Variants in EYA1 observed in about 807,000 individuals in gnomAD.
EYA1 encodes the protein EYA transcriptional coactivator and phosphatase 1.
A neutral mutation model predicts 82.0 loss-of-function variants in EYA1; 16 were observed. The ratio of observed to expected loss-of-function variants is 0.20; its 90% CI spans 0.13 to 0.30. EYA1 has a LOEUF of 0.30. Ranked by LOEUF, EYA1 falls within the 10% of genes least tolerant of loss-of-function variation. The pLI, the probability that EYA1 is intolerant of heterozygous loss-of-function variation, is 1.00. For synonymous variants in EYA1, 261 were observed against 264.4 expected, an observed-to-expected ratio of 0.99 and a Z score of 0.12; for missense variants, 633 against 730.7, an observed-to-expected ratio of 0.87 and a Z score of 1.54.
chr8:71,507,006 G>A (rs530639125), intron 2 of EYA1, among the ~76,000 whole-genome samples: 18 of 151,986 alleles, frequency 1.2e-4, no homozygotes, highest in African/African-American at 3.1e-4. Flanking sequence ...GGAAATAACC[G>A]AAATTCAACA....
intron 11 of EYA1, among the ~76,000 whole-genome samples, chr8:71,262,363 C>G (rs1815233176): frequency 6.6e-6 from 1 of 152,172 alleles, no homozygotes; most frequent in South Asian, 2.1e-4. Flanking sequence ...TTCTCTGTTT[C>G]CCACTCCCTC....
At chr8:71,456,961 A>G (rs530194998) in intron 2 of EYA1, among the ~76,000 whole-genome samples, 3 of 152,132 alleles carry the variant, frequency 2.0e-5, no homozygotes, top group South Asian at 2.1e-4. Context: ...ACTACCATCA[A>G]AGTGAACAGG....
chr8:71,229,246 T>C (rs1395106911), intron 12 of EYA1, among the ~76,000 whole-genome samples: 3 of 151,928 alleles, frequency 2.0e-5, no homozygotes, highest in Admixed American at 6.6e-5. Flanking sequence ...CTCCATTAAG[T>C]TTTTATTGGT....
intron 1 of EYA1, among the ~76,000 whole-genome samples, chr8:71,539,455 T>C (rs1274746177): frequency 1.3e-5 from 2 of 152,138 alleles, no homozygotes; most frequent in Non-Finnish European, 2.9e-5. Flanking sequence ...AGCCAGATGC[T>C]TGCATGGGCA....
chr8:71,354,589 G>A (rs774520618), intron 3 of EYA1, among the ~76,000 whole-genome samples, 193 bp downstream of exon 3: 5 of 152,198 alleles, frequency 3.3e-5, no homozygotes, highest in Middle Eastern at 3.4e-3. Context: ...ACCAATCTAC[G>A]CAATGTTACA....
intron 12 of EYA1, among the ~76,000 whole-genome samples, chr8:71,225,601 C>G (rs1026663048): frequency 6.6e-6 from 1 of 152,170 alleles, no homozygotes; most frequent in Non-Finnish European, 1.5e-5. Flanking sequence ...CCACTCTAAA[C>G]TATCTACTCA....
At chr8:71,448,025 T>TTTTTTTTTTTTTTTTAGGTAAAGGAG (rs935912194) in intron 2 of EYA1, among the ~76,000 whole-genome samples, 1 of 116,736 alleles carries the variant, frequency 8.6e-6, no homozygotes, top group Admixed American at 1.0e-4. Context: ...TTTTTTTTTT[T>TTTTTTTTTTTTTTTTAGGTAAAGGAG]TCTCGCTCCG....
intron 2 of EYA1, among the ~76,000 whole-genome samples, chr8:71,481,104 C>T (rs894768239): frequency 1.3e-5 from 2 of 151,884 alleles, no homozygotes; most frequent in East Asian, 1.9e-4. Flanking sequence ...TTTAAGTTAA[C>T]GAATATAGAA....
At chr8:71,480,984 A>G (rs1430910592) in intron 2 of EYA1, among the ~76,000 whole-genome samples, 2 of 152,130 alleles carry the variant, frequency 1.3e-5, no homozygotes, top group Non-Finnish European at 2.9e-5. Context: ...TCAAAACTCA[A>G]CTTAGAAAAA....
chr8:71,302,422 C>T (rs981943438), intron 7 of EYA1, among the ~76,000 whole-genome samples: 1 of 152,030 alleles, frequency 6.6e-6, no homozygotes, highest in African/African-American at 2.4e-5. Context: ...CAAATGGCAC[C>T]CAAGTGACTT....
intron 11 of EYA1, among the ~76,000 whole-genome samples, chr8:71,266,233 A>G (rs1815792263): frequency 6.6e-6 from 1 of 152,172 alleles, no homozygotes; most frequent in African/African-American, 2.4e-5. Context: ...GCTCCCCTTG[A>G]CAATGCCCAG....
intron 3 of EYA1, among the ~76,000 whole-genome samples, chr8:71,336,916 A>G (rs944286512): frequency 1.3e-5 from 2 of 152,230 alleles, no homozygotes; most frequent in Non-Finnish European, 2.9e-5. Context: ...ATTGTAATGT[A>G]AAATAGTTTC....
At chr8:71,327,850 GTTCTT>G (rs1388854354) in intron 4 of EYA1, among the ~76,000 whole-genome samples, 6 of 128,340 alleles carry the variant, frequency 4.7e-5, no homozygotes, top group Non-Finnish European at 9.7e-5. Flanking sequence ...GAATCTTTAA[GTTCTT>G]TTTTTTTTTT....
chr8:71,295,900 T>G (rs893659288), intron 9 of EYA1, among the ~76,000 whole-genome samples: 1 of 152,064 alleles, frequency 6.6e-6, no homozygotes, highest in Non-Finnish European at 1.5e-5. Flanking sequence ...TTTAAAGACA[T>G]GGCTAGTTGA....
chr8:71,455,983 G>A (rs971109565), intron 2 of EYA1, among the ~76,000 whole-genome samples: 5 of 152,198 alleles, frequency 3.3e-5, no homozygotes, highest in Non-Finnish European at 7.3e-5. Flanking sequence ...GTTTGCAGAT[G>A]ACATGATTGT....
At chr8:71,468,970 G>T (rs1173722997) in intron 2 of EYA1, among the ~76,000 whole-genome samples, 2 of 151,902 alleles carry the variant, frequency 1.3e-5, no homozygotes, top group Non-Finnish European at 2.9e-5. Context: ...GTTACCAAAG[G>T]CTACATAAAT....
At chr8:71,247,503 G>A (rs1813249258) in intron 11 of EYA1, among the ~76,000 whole-genome samples, 1 of 152,122 alleles carries the variant, frequency 6.6e-6, no homozygotes, top group African/African-American at 2.4e-5. Context: ...AAAGGAAAAC[G>A]ATTCCCTCAA....
chr8:71,521,625 G>A (rs547969020), intron 2 of EYA1, among the ~76,000 whole-genome samples: 3 of 152,174 alleles, frequency 2.0e-5, no homozygotes, highest in African/African-American at 7.2e-5. Context: ...TTTAAATGGT[G>A]AAACAGGGTC....
At chr8:71,270,207 G>A in intron 10 of EYA1, 1 of 180,624 alleles carries the variant, frequency 5.5e-6, no homozygotes, top group Admixed American at 5.7e-5. Flanking sequence ...CCTTACCTCT[G>A]ATCTCTGTTC....
Sources: allele counts gnomAD v4.1 joint callset (sites outside exome capture counted in the v4.1 genomes callset), GRCh38; gene constraint gnomAD v4.1.1; transcripts MANE v1.5; gene names NCBI Gene and HGNC (gene_info 2026-07-23, HGNC 2026-07-21).